The following CDH18 variants were observed in gnomAD, a reference collection of about 807,000 sequenced individuals.
The protein encoded by CDH18 is cadherin 18, also known as cadherin-18.
CDH18 carries 31 observed loss-of-function variants against 67.9 expected under a neutral mutation model. The observed-to-expected ratio is 0.46, with a 90% CI of 0.34 to 0.62. CDH18 has a LOEUF of 0.62. Ranked by LOEUF, CDH18 falls within the 20% of genes least tolerant of loss-of-function variation. The probability of loss-of-function intolerance (pLI) is 0.01; values close to 1 mark genes in which losing one functional copy is unlikely to be tolerated. For missense variants in CDH18, 890 were observed against 975.5 expected, an observed-to-expected ratio of 0.91 and a Z score of 1.17; for synonymous variants, 362 against 347.2, an observed-to-expected ratio of 1.04 and a Z score of -0.48.
intron 1 of CDH18, among the ~76,000 whole-genome samples, chr5:20,404,501 T>C (rs1746053487): frequency 2.0e-5 from 3 of 152,112 alleles, no homozygotes; most frequent in Admixed American, 2.0e-4. Context: ...TAAGCCTAAT[T>C]TTAATATTAC....
intron 5 of CDH18, among the ~76,000 whole-genome samples, chr5:19,657,724 T>G (rs1169968303): frequency 6.6e-6 from 1 of 152,168 alleles, no homozygotes; most frequent in East Asian, 1.9e-4. Context: ...ATAAAACATC[T>G]TCTCTTTACA....
At chr5:19,650,963 AT>A (rs1216331094) in intron 5 of CDH18, among the ~76,000 whole-genome samples, 1 of 152,062 alleles carries the variant, frequency 6.6e-6, no homozygotes, top group African/African-American at 2.4e-5. Flanking sequence ...ACTTATGATA[AT>A]TATTACTATC....
intron 3 of CDH18, among the ~76,000 whole-genome samples, chr5:19,782,947 G>T (rs1233518063): frequency 1.3e-5 from 2 of 152,126 alleles, no homozygotes; most frequent in African/African-American, 4.8e-5. Flanking sequence ...AATATTTGTG[G>T]ATATAAAGTA....
At chr5:19,869,601 C>CAAAAAAA (rs1425609169) in intron 2 of CDH18, among the ~76,000 whole-genome samples, 1 of 152,008 alleles carries the variant, frequency 6.6e-6, no homozygotes, top group East Asian at 1.9e-4. Context: ...AAAAAAACTT[C>CAAAAAAA]CAATGTCACT....
intron 3 of CDH18, among the ~76,000 whole-genome samples, chr5:19,765,494 A>C (rs1293575047): frequency 6.6e-6 from 1 of 152,084 alleles, no homozygotes; most frequent in Non-Finnish European, 1.5e-5. Context: ...TTGTGAATTA[A>C]ACCATATTAT....
chr5:20,277,392 T>C (rs1339275859), intron 1 of CDH18, among the ~76,000 whole-genome samples: 1 of 152,130 alleles, frequency 6.6e-6, no homozygotes, highest in East Asian at 1.9e-4. Flanking sequence ...CAAGATCTTT[T>C]CTAAAACCAC....
intron 3 of CDH18, among the ~76,000 whole-genome samples, chr5:19,778,462 A>G (rs1774663677): frequency 6.6e-6 from 1 of 152,190 alleles, no homozygotes; most frequent in African/African-American, 2.4e-5. Flanking sequence ...ATCTACAAAA[A>G]TACTATATGA....
intron 1 of CDH18, among the ~76,000 whole-genome samples, chr5:20,500,405 A>C (rs573015781): frequency 6.6e-6 from 1 of 152,154 alleles, no homozygotes; most frequent in Non-Finnish European, 1.5e-5. Context: ...AAATTCTAAT[A>C]TTTAATATAC....
At chr5:19,494,712 C>G (rs1446368634) in intron 11 of CDH18, among the ~76,000 whole-genome samples, 1 of 152,178 alleles carries the variant, frequency 6.6e-6, no homozygotes, top group Non-Finnish European at 1.5e-5. Context: ...GTGTTTTGAG[C>G]TCTGATTCCC....
At chr5:19,485,535 G>A (rs974528569) in intron 11 of CDH18, among the ~76,000 whole-genome samples, 5 of 152,150 alleles carry the variant, frequency 3.3e-5, no homozygotes, top group South Asian at 4.1e-4. Context: ...GATTACAGGC[G>A]TGAGCCACTG....
chr5:20,518,300 T>C (rs1755501062), intron 1 of CDH18, among the ~76,000 whole-genome samples: 1 of 152,202 alleles, frequency 6.6e-6, no homozygotes, highest in Non-Finnish European at 1.5e-5. Context: ...TATGGTTAGA[T>C]GGGTTCATTA....
intron 1 of CDH18, among the ~76,000 whole-genome samples, chr5:20,457,277 T>C (rs2150216653): frequency 6.6e-6 from 1 of 152,266 alleles, no homozygotes; most frequent in African/African-American, 2.4e-5. Flanking sequence ...ATAAAAAGAT[T>C]TCAGGTTTAA....
chr5:19,694,990 C>T (rs962761111), intron 5 of CDH18, among the ~76,000 whole-genome samples: 11 of 151,980 alleles, frequency 7.2e-5, no homozygotes, highest in Non-Finnish European at 1.5e-4. Context: ...ACAGCAGTAC[C>T]TAGGATAGTC....
At chr5:20,229,222 T>C (rs1741875165) in intron 2 of CDH18, among the ~76,000 whole-genome samples, 1 of 151,996 alleles carries the variant, frequency 6.6e-6, no homozygotes, top group African/African-American at 2.4e-5. Context: ...GAATTTAGAG[T>C]TATATGTTGT....
At chr5:20,036,212 T>G (rs2150461977) in intron 2 of CDH18, among the ~76,000 whole-genome samples, 1 of 152,162 alleles carries the variant, frequency 6.6e-6, no homozygotes, top group South Asian at 2.1e-4. Context: ...AGGTGAACTT[T>G]AACAGCTTAC....
intron 2 of CDH18, among the ~76,000 whole-genome samples, chr5:19,903,954 G>C (rs1288529067): frequency 2.0e-5 from 3 of 151,878 alleles, no homozygotes; most frequent in African/African-American, 7.3e-5. Flanking sequence ...ATCCAATAAA[G>C]CCACATAAAC....
At chr5:19,518,883 C>T (rs992989699) in intron 10 of CDH18, among the ~76,000 whole-genome samples, 6 of 152,144 alleles carry the variant, frequency 3.9e-5, no homozygotes, top group Admixed American at 3.9e-4. Flanking sequence ...TTAGTTCTGT[C>T]TCTCTAGAGA....
chr5:19,960,754 TATG>T (rs201037525), intron 2 of CDH18, among the ~76,000 whole-genome samples: 5,177 of 127,208 alleles, frequency 0.041, 838 homozygotes, highest in African/African-American at 0.19. Flanking sequence ...CGTGTATATA[TATG>T]TATATATGTA....
chr5:20,430,254 C>A (rs1748632438), intron 1 of CDH18, among the ~76,000 whole-genome samples: 2 of 152,124 alleles, frequency 1.3e-5, no homozygotes, highest in South Asian at 4.1e-4. Flanking sequence ...TTATAAAAAA[C>A]TCAGTTTTTC....
Sources: allele counts gnomAD v4.1 joint callset (sites outside exome capture counted in the v4.1 genomes callset), GRCh38; gene constraint gnomAD v4.1.1; transcripts MANE v1.5; gene names NCBI Gene and HGNC (gene_info 2026-07-23, HGNC 2026-07-21).